ADGRB3: variants seen among roughly 807,000 people sequenced by gnomAD.
The protein encoded by ADGRB3 is brain-specific angiogenesis inhibitor 3.
Under a neutral mutation model 193.4 loss-of-function variants are expected in ADGRB3, and 37 were observed. The observed-to-expected ratio is 0.19, with a 90% CI of 0.15 to 0.25. The LOEUF is 0.25. Among genes scored for constraint, ADGRB3 ranks in the 10% least tolerant of loss-of-function variants. The pLI, the probability that ADGRB3 is intolerant of heterozygous loss-of-function variation, is 1.00. For missense variants in ADGRB3, 1,637 were observed against 1,852.9 expected (o/e 0.88, Z 2.14); for synonymous variants, 690 against 644.2 (o/e 1.07, Z -1.08).
At chr6:68,729,501 A>G (rs760585579) in intron 3 of ADGRB3, among the ~76,000 whole-genome samples, 4 of 151,600 alleles carry the variant, frequency 2.6e-5, no homozygotes, top group Non-Finnish European at 5.9e-5. Flanking sequence ...AATGATCAGT[A>G]TGGATCAGAT....
At chr6:68,792,522 C>A (rs996532858) in intron 3 of ADGRB3, among the ~76,000 whole-genome samples, 1 of 152,156 alleles carries the variant, frequency 6.6e-6, no homozygotes, top group Admixed American at 6.5e-5. Context: ...TATGACTCTG[C>A]AGGCTTCCCT....
chr6:68,737,216 G>GT (rs796500844), intron 3 of ADGRB3, among the ~76,000 whole-genome samples: 150 of 152,152 alleles, frequency 9.9e-4, no homozygotes, highest in African/African-American at 3.5e-3. Context: ...TATAAGAATT[G>GT]TATCAAATAA....
At chr6:68,707,903 C>T (rs1232031890) in intron 3 of ADGRB3, among the ~76,000 whole-genome samples, 1 of 152,114 alleles carries the variant, frequency 6.6e-6, no homozygotes, top group Non-Finnish European at 1.5e-5. Flanking sequence ...TAGAACTGAA[C>T]GGGAAAGTCA....
At chr6:68,999,267 T>TA (rs902523644) in intron 11 of ADGRB3, among the ~76,000 whole-genome samples, 10 of 27,636 alleles carry the variant, frequency 3.6e-4, no homozygotes, top group Non-Finnish European at 1.3e-3. Context: ...TTCCCTTTTC[T>TA]TTTTTTTTTT....
intron 3 of ADGRB3, among the ~76,000 whole-genome samples, chr6:68,720,165 A>G (rs1304784972): frequency 1.3e-5 from 2 of 151,774 alleles, no homozygotes; most frequent in African/African-American, 2.4e-5. Context: ...GGAAGAGAGT[A>G]GAGACCTAGC....
intron 3 of ADGRB3, among the ~76,000 whole-genome samples, chr6:68,723,928 A>G (rs1283276745): frequency 6.6e-6 from 1 of 151,614 alleles, no homozygotes; most frequent in East Asian, 1.9e-4. Context: ...ATCTAGTGAG[A>G]TTTAAGGATG....
In ADGRB3 at chr6:68,807,462, G is replaced by A. The variant is rs181760791; in HGVS notation, c.758-123097G>A. Among the ~76,000 whole-genome samples the A allele has an allele frequency of 1.9e-3, 282 of 151,722 alleles. 3 individuals are homozygous for A. The highest frequency in any genetic ancestry group is 6.5e-3 in the African/African-American group (271 of 41,414). On this transcript the variant is annotated intron_variant, in intron 3 of 31. Coordinates refer to ENST00000370598, the MANE Select transcript of ADGRB3 (RefSeq NM_001704.3). ...TCACCGTGTTAGCCAGGATGGTCTC[G>A]ATCTCCTGACCTCGTGATTTCCCCG... is the stretch of plus-strand genomic sequence containing the variant.
intron 3 of ADGRB3, among the ~76,000 whole-genome samples, chr6:68,781,076 A>G (rs1392765283): frequency 1.3e-5 from 2 of 152,200 alleles, no homozygotes; most frequent in Admixed American, 6.6e-5. Context: ...ATAACCTGCA[A>G]CTGCATGAAT....
chr6:68,841,320 G>A (rs1032587513), intron 3 of ADGRB3, among the ~76,000 whole-genome samples: 13 of 152,094 alleles, frequency 8.5e-5, no homozygotes, highest in African/African-American at 3.1e-4. Flanking sequence ...TCAGCACATG[G>A]ATTATTCTCA....
intron 17 of ADGRB3, among the ~76,000 whole-genome samples, chr6:69,231,991 T>G (rs1006714049): frequency 1.3e-5 from 2 of 152,182 alleles, no homozygotes; most frequent in African/African-American, 4.8e-5. Context: ...TCTCTGAAAT[T>G]GCATGCATAT....
chr6:69,196,129 A>C (rs1047645326), intron 17 of ADGRB3, among the ~76,000 whole-genome samples: 1 of 152,144 alleles, frequency 6.6e-6, no homozygotes, highest in East Asian at 1.9e-4. Flanking sequence ...GTCAGATGTA[A>C]ATTAAACCTT....
intron 20 of ADGRB3, among the ~76,000 whole-genome samples, chr6:69,282,354 A>G (rs552358125): frequency 1.5e-3 from 222 of 152,282 alleles, no homozygotes; most frequent in African/African-American, 4.9e-3. Context: ...AGCAGTACAA[A>G]AATGCCCCAA....
intron 3 of ADGRB3, among the ~76,000 whole-genome samples, chr6:68,921,076 CA>C (rs903772966): frequency 2.0e-5 from 3 of 150,990 alleles, no homozygotes; most frequent in Non-Finnish European, 4.4e-5. Context: ...CCTATCAATC[CA>C]AAAAAAATTA....
At chr6:69,322,971 G>A (rs1229986700) in intron 20 of ADGRB3, among the ~76,000 whole-genome samples, 1 of 151,892 alleles carries the variant, frequency 6.6e-6, no homozygotes, top group Non-Finnish European at 1.5e-5. Flanking sequence ...AAATGTCAGT[G>A]GCTCAAAATT....
intron 3 of ADGRB3, among the ~76,000 whole-genome samples, chr6:68,717,708 A>T (rs1765511018): frequency 1.3e-5 from 2 of 151,594 alleles, no homozygotes; most frequent in African/African-American, 4.8e-5. Context: ...AATATTTCTT[A>T]AATTTTATAA....
At chr6:69,228,426 C>A (rs570021698) in intron 17 of ADGRB3, among the ~76,000 whole-genome samples, 3 of 152,056 alleles carry the variant, frequency 2.0e-5, no homozygotes, top group African/African-American at 7.2e-5. Context: ...GCAAGGTGAA[C>A]GTATCAACTA....
chr6:69,004,320 TTC>T (rs1222042141), intron 11 of ADGRB3, among the ~76,000 whole-genome samples: 1 of 152,094 alleles, frequency 6.6e-6, no homozygotes, highest in African/African-American at 2.4e-5. Context: ...GATGGCTGCC[TTC>T]TCTCTCTGTC....
intron 17 of ADGRB3, among the ~76,000 whole-genome samples, chr6:69,178,751 T>C (rs1775501669): frequency 2.0e-5 from 3 of 152,212 alleles, no homozygotes; most frequent in Non-Finnish European, 4.4e-5. Context: ...GGAATTTCTT[T>C]TATTTAAGAA....
chr6:69,142,539 G>A (rs969319172), intron 17 of ADGRB3, among the ~76,000 whole-genome samples: 1 of 152,182 alleles, frequency 6.6e-6, no homozygotes, highest in Non-Finnish European at 1.5e-5. Context: ...CTGACCAGCT[G>A]TCTTGCAAAT....
Sources: allele counts gnomAD v4.1 joint callset (sites outside exome capture counted in the v4.1 genomes callset), GRCh38; gene constraint gnomAD v4.1.1; transcripts MANE v1.5; gene names NCBI Gene and HGNC (gene_info 2026-07-23, HGNC 2026-07-21).